The following DIP2B variants were observed in gnomAD, a reference collection of about 807,000 sequenced individuals.
The protein encoded by DIP2B is disco-interacting protein 2 homolog B.
In DIP2B, 76 loss-of-function variants were observed where a neutral mutation model predicts 198.0. The observed-to-expected ratio is 0.38, with a 90% CI of 0.32 to 0.46. DIP2B has a LOEUF of 0.46. DIP2B is among the 20% of genes least tolerant of loss of function. The pLI, the probability that DIP2B is intolerant of heterozygous loss-of-function variation, is 0.99. For synonymous variants in DIP2B, 701 were observed against 739.1 expected (o/e 0.95, Z 0.84); for missense variants, 1,559 against 1,978.4 (o/e 0.79, Z 4.02).
intron 1 of DIP2B, among the ~76,000 whole-genome samples, chr12:50,516,527 T>G (rs1040149991): frequency 6.6e-6 from 1 of 152,046 alleles, no homozygotes; most frequent in African/African-American, 2.4e-5. Flanking sequence ...GTGCAGAGAT[T>G]ATGACTGTGA....
Position 50,695,252 on chromosome 12 carries a change from T to G in DIP2B, c.1720-15T>G. On this transcript the variant is annotated splice_polypyrimidine_tract_variant and intron_variant, in intron 14 of 37. Coordinates refer to ENST00000301180, the MANE Select transcript of DIP2B (RefSeq NM_173602.3). The stretch of plus-strand genomic sequence containing the variant: ...ATTTTGTATTGATTACTTTTCTTCT[T>G]TCTTTGTTTTTCAGAATGTAATGAA... 1.2e-6 allele frequency: 2 copies of G among 1,605,898 alleles called. No individual in the cohort carries two copies. The highest frequency in any genetic ancestry group is 2.2e-5 in the East Asian group (1 of 44,804).
chr12:50,728,541 T>C lies in DIP2B; in HGVS notation c.3511-7T>C. On this transcript the variant is annotated splice_region_variant and splice_polypyrimidine_tract_variant and intron_variant, in intron 29 of 37. Coordinates refer to ENST00000301180, the MANE Select transcript of DIP2B (RefSeq NM_173602.3). Reference sequence around the variant, plus strand: ...TCCCAGCCTGTTCCATTTTCCATACTTTCCAGATGTCCCACTCTGCAGTGA... The same window carrying C: ...TCCCAGCCTGTTCCATTTTCCATACCTTCCAGATGTCCCACTCTGCAGTGA... 1.2e-6 allele frequency: 2 copies of C among 1,613,030 alleles called. No individual in the cohort carries two copies. The highest frequency in any genetic ancestry group is 1.7e-6 in the Non-Finnish European group (2 of 1,179,248).
intron 1 of DIP2B, among the ~76,000 whole-genome samples, chr12:50,611,383 G>A (rs1000881317): frequency 1.3e-5 from 2 of 152,054 alleles, no homozygotes; most frequent in African/African-American, 4.8e-5. Flanking sequence ...ATTCTTTTTG[G>A]TTGCTTCTCC....
rs1214645401 is a variant in DIP2B at position 50,685,892 on chromosome 12, TA to T, written c.1378del (p.Thr460ProfsTer6). ...GAAGCTGTGGTATTGCCTTAGCTCT[TA>T]CCAGTGAAGTTTGTCTAAAAGGACT... ...LGSCGIALAL[T>X]SEVCLKGLPK... On this transcript the variant is annotated frameshift_variant, in exon 11 of 38. Coordinates refer to ENST00000301180, the MANE Select transcript of DIP2B (RefSeq NM_173602.3). LOFTEE classifies it high-confidence loss of function. The T allele has an allele frequency of 6.2e-7, 1 of 1,614,026 alleles. No homozygotes were observed. Among genetic ancestry groups the T allele is most frequent in the South Asian group, 1.1e-5 (1 of 91,074 alleles).
chr12:50,598,638 C>T (rs1369986289), intron 1 of DIP2B, among the ~76,000 whole-genome samples: 1 of 151,080 alleles, frequency 6.6e-6, no homozygotes, highest in African/African-American at 2.4e-5. Flanking sequence ...TATAAAACAT[C>T]TCCTTTCCCT....
chr12:50,701,583 C>T (rs558400517), intron 19 of DIP2B, among the ~76,000 whole-genome samples: 1 of 151,964 alleles, frequency 6.6e-6, no homozygotes, highest in Non-Finnish European at 1.5e-5. Context: ...GGGGTTTCAC[C>T]GTGTTGGCCA....
Position 50,685,833 on chromosome 12 carries a change from G to A in DIP2B, c.1318G>A (p.Asp440Asn). 1.2e-6 allele frequency: 2 copies of A among 1,613,246 alleles called. No homozygotes were observed. The highest frequency in any genetic ancestry group is 1.7e-6 in the Non-Finnish European group (2 of 1,179,496). Residue 440 changes from aspartate to asparagine, a missense_variant and splice_region_variant, in exon 11 of 38, where the codon GAT becomes AAT. Coordinates refer to ENST00000301180, the MANE Select transcript of DIP2B (RefSeq NM_173602.3). Reference sequence around the variant, plus strand: ...TATGTTCATTATCATTTCTCCACAGGATGCTGGAGGTCAGCAGATTGGCTT... The same window carrying A: ...TATGTTCATTATCATTTCTCCACAGAATGCTGGAGGTCAGCAGATTGGCTT... ...VPIEVPLTRKDAGGQQIGFLL... is the reference protein window; with the variant it reads ...VPIEVPLTRKNAGGQQIGFLL...
At position 50,625,850 on chromosome 12, in the gene DIP2B, T is replaced by TC. The variant is rs34609458; in HGVS notation, c.101-117dup. 1,800 of 888,660 alleles carry TC rather than the reference T, an allele frequency of 2.0e-3. 3 individuals carry two copies. Among genetic ancestry groups the TC allele is most frequent in the South Asian group, 4.0e-3 (243 of 61,022 alleles). The allele number at this position is 888,660 out of a possible 1,614,324, so 55.0% of individuals were successfully genotyped here. A position where few individuals can be genotyped will look rare whatever the true frequency, so the allele number is the denominator to read the frequency against. ...AAATCCTTGGCAAAGAACCATACAT[T>TC]CCCCCCCCCAACCCCCTGCCTCTAT... On this transcript the variant is annotated intron_variant, in intron 1 of 37. Coordinates refer to ENST00000301180, the MANE Select transcript of DIP2B (RefSeq NM_173602.3).
rs1939386671 is a variant in DIP2B, at chr12:50,699,873, ACAC to A, written c.2325+672_2325+674del. On this transcript the variant is annotated intron_variant, in intron 19 of 37. Coordinates refer to ENST00000301180, the MANE Select transcript of DIP2B (RefSeq NM_173602.3). The stretch of plus-strand genomic sequence containing the variant: ...GCAAGACCCTGTCTCAAACACACAC[ACAC>A]ACACACACACACAACAAAACCAAAA... Among the ~76,000 whole-genome samples, 10 of 145,452 alleles carry A rather than the reference ACAC, an allele frequency of 6.9e-5. No homozygotes were observed. In the Admixed American group the frequency reaches 7.0e-4, roughly 10 times the overall value.
Position 50,622,732 on chromosome 12 carries a change from C to G in DIP2B, c.101-3244C>G, listed in dbSNP as rs543863999. ...GTTCAAGCGATTCTCCTGCCTCAGT[C>G]TCCTGAGTAGCTGAGACTACAGGCA... On this transcript the variant is annotated intron_variant, in intron 1 of 37. Transcript: ENST00000301180. Among the ~76,000 whole-genome samples, 78 of 152,280 alleles carry G rather than the reference C, an allele frequency of 5.1e-4. 1 individual carries two copies. Among genetic ancestry groups the G allele is most frequent in the African/African-American group, 1.8e-3 (73 of 41,556 alleles).
chr12:50,525,898 A>G (rs1433504005), intron 1 of DIP2B, among the ~76,000 whole-genome samples: 1 of 152,148 alleles, frequency 6.6e-6, no homozygotes, highest in African/African-American at 2.4e-5. Flanking sequence ...CTCCTTAGAG[A>G]ACCTCCAAGG....
intron 3 of DIP2B, among the ~76,000 whole-genome samples, chr12:50,642,469 T>G (rs1938273465): frequency 6.6e-6 from 1 of 151,954 alleles, no homozygotes; most frequent in Non-Finnish European, 1.5e-5. Flanking sequence ...AAACAGATAT[T>G]TTGCAGAAAG....
intron 1 of DIP2B, among the ~76,000 whole-genome samples, chr12:50,519,789 T>G (rs1958099084): frequency 7.8e-6 from 1 of 128,686 alleles, no homozygotes; most frequent in African/African-American, 3.0e-5. Context: ...ACATGTACTT[T>G]AATTGGTTTT....
intron 16 of DIP2B, 53 bp downstream of exon 16, chr12:50,696,020 G>A (rs182046566): frequency 2.2e-5 from 36 of 1,609,972 alleles, no homozygotes; most frequent in Non-Finnish European, 3.0e-5. Flanking sequence ...TGATAGATTA[G>A]GGTTTTTCGC....
chr12:50,574,803 G>A (rs1958644292), intron 1 of DIP2B, among the ~76,000 whole-genome samples: 1 of 152,224 alleles, frequency 6.6e-6, no homozygotes, highest in Non-Finnish European at 1.5e-5. Context: ...CTAGGCCAAT[G>A]AGCAAACCTT....
intron 4 of DIP2B, among the ~76,000 whole-genome samples, chr12:50,670,841 G>A (rs1230815593): frequency 6.6e-6 from 1 of 152,172 alleles, no homozygotes; most frequent in African/African-American, 2.4e-5. Flanking sequence ...GATTCAGGAA[G>A]ACATATAAGT....
At chr12:50,664,723 T>C (rs920691145) in intron 4 of DIP2B, among the ~76,000 whole-genome samples, 1 of 152,036 alleles carries the variant, frequency 6.6e-6, no homozygotes, top group African/African-American at 2.4e-5. Flanking sequence ...CAGTAAGCTA[T>C]TTCAACTAGC....
chr12:50,700,338 A>G (rs1200059670), intron 19 of DIP2B, among the ~76,000 whole-genome samples: 3 of 152,226 alleles, frequency 2.0e-5, no homozygotes, highest in Non-Finnish European at 4.4e-5. Context: ...AACCTGTCTC[A>G]GGATACATTT....
intron 12 of DIP2B, chr12:50,686,950 C>T (rs1418121773): frequency 1.0e-5 from 3 of 288,884 alleles, no homozygotes; most frequent in Non-Finnish European, 1.9e-5. Flanking sequence ...GAAGTACAAG[C>T]GTTTAGGAAA....
Sources: allele counts gnomAD v4.1 joint callset (sites outside exome capture counted in the v4.1 genomes callset), GRCh38; gene constraint gnomAD v4.1.1; transcripts MANE v1.5; gene names NCBI Gene and HGNC (gene_info 2026-07-23, HGNC 2026-07-21).